The following COG5 variants were observed in gnomAD, a reference collection of about 807,000 sequenced individuals.
COG5 encodes conserved oligomeric Golgi complex subunit 5.
Under a neutral mutation model 110.4 loss-of-function variants are expected in COG5, and 86 were observed. The ratio of observed to expected loss-of-function variants is 0.78; its 90% confidence interval spans 0.65 to 0.93. COG5 has a LOEUF of 0.93. COG5 is among the 40% of genes least tolerant of loss of function. COG5 has a pLI of 0.00. For synonymous variants in COG5, 360 were observed against 334.6 expected (o/e 1.08, Z -0.83); for missense variants, 1,077 against 987.0 (o/e 1.09, Z -1.22).
chr7:107,347,498 AAAC>A (rs1246850144), intron 10 of COG5, among the ~76,000 whole-genome samples: 1 of 152,356 alleles, frequency 6.6e-6, no homozygotes, highest in Non-Finnish European at 1.5e-5. Context: ...ATGTGAAGAT[AAAC>A]AATAGAAATG....
chr7:107,233,250 C>T (rs972257420), intron 18 of COG5, among the ~76,000 whole-genome samples: 3 of 152,128 alleles, frequency 2.0e-5, no homozygotes, highest in African/African-American at 7.2e-5. Flanking sequence ...GGCAAGATCC[C>T]AGTGAGATTC....
chr7:107,547,200 G>A (rs544315687), intron 5 of COG5, among the ~76,000 whole-genome samples: 3 of 152,192 alleles, frequency 2.0e-5, no homozygotes, highest in Admixed American at 6.5e-5. Flanking sequence ...TTTATCTCTG[G>A]GGTGCAGGGA....
At chr7:107,392,896 C>T (rs1275701025) in intron 7 of COG5, among the ~76,000 whole-genome samples, 3 of 152,060 alleles carry the variant, frequency 2.0e-5, no homozygotes, top group Non-Finnish European at 2.9e-5. Context: ...TTCTAAAAGG[C>T]GCCTGCATAC....
At chr7:107,452,369 G>A (rs1471971990) in intron 6 of COG5, among the ~76,000 whole-genome samples, 3 of 152,016 alleles carry the variant, frequency 2.0e-5, no homozygotes, top group African/African-American at 4.8e-5. Context: ...ATCTCTCAAC[G>A]CTTCCCTGTC....
chr7:107,244,110 G>A (rs1227097388), intron 17 of COG5, among the ~76,000 whole-genome samples: 1 of 152,022 alleles, frequency 6.6e-6, no homozygotes, highest in African/African-American at 2.4e-5. Flanking sequence ...ATTAGCTGGG[G>A]TAGGGGTGGT....
At chr7:107,526,773 A>G (rs754617303) in intron 6 of COG5, among the ~76,000 whole-genome samples, 45 of 152,258 alleles carry the variant, frequency 3.0e-4, no homozygotes, top group Non-Finnish European at 4.3e-4. Context: ...TTTGAGTACA[A>G]GAAGACAGCC....
rs11976379 is a variant in COG5, at chr7:107,509,060, G to A, written c.538+18177C>T. 5.3e-3 allele frequency among the ~76,000 whole-genome samples: 811 copies of A among 152,318 alleles called. 4 individuals are homozygous for A. Among genetic ancestry groups the A allele is most frequent in the Middle Eastern group, 0.027 (8 of 294 alleles). On this transcript the variant is annotated intron_variant, in intron 6 of 21. Coordinates refer to ENST00000297135, the MANE Select transcript of COG5 (RefSeq NM_006348.5). Reference sequence around the variant, plus strand: ...AAGCTGGAAGGAGAATGACTTTGACGTGTTGAGAGAAGAAGGCTTCAGAAG... The same window carrying A: ...AAGCTGGAAGGAGAATGACTTTGACATGTTGAGAGAAGAAGGCTTCAGAAG...
intron 6 of COG5, among the ~76,000 whole-genome samples, chr7:107,439,927 G>A (rs556448199): frequency 5.3e-5 from 8 of 152,320 alleles, no homozygotes; most frequent in African/African-American, 1.9e-4. Context: ...CTGCTGAGAA[G>A]GAGCTGAGCC....
intron 6 of COG5, among the ~76,000 whole-genome samples, chr7:107,496,886 G>A (rs547236382): frequency 9.5e-4 from 145 of 152,078 alleles, no homozygotes; most frequent in African/African-American, 3.2e-3. Flanking sequence ...ACTCAGTTGC[G>A]AAAGACTGAA....
chr7:107,539,921 G>A (rs1452458967), intron 5 of COG5, among the ~76,000 whole-genome samples: 1 of 152,146 alleles, frequency 6.6e-6, no homozygotes, highest in Non-Finnish European at 1.5e-5. Flanking sequence ...ACAAGAAAAT[G>A]AGCTTAACAA....
At chr7:107,208,383 G>A in intron 21 of COG5, 1 of 985,430 alleles carries the variant, frequency 1.0e-6, no homozygotes. Flanking sequence ...ACAGATTTGT[G>A]ATGTACACAC....
At chr7:107,553,414 C>T (rs962954372) in intron 3 of COG5, among the ~76,000 whole-genome samples, 5 of 152,072 alleles carry the variant, frequency 3.3e-5, no homozygotes, top group African/African-American at 9.7e-5. Flanking sequence ...AAATATTGTA[C>T]ATGCTGAGAA....
intron 6 of COG5, among the ~76,000 whole-genome samples, chr7:107,451,311 G>T (rs1795322519): frequency 6.6e-6 from 1 of 152,072 alleles, no homozygotes; most frequent in Admixed American, 6.6e-5. Context: ...CAGAAGATAA[G>T]GAAGAAGATG....
At chr7:107,256,176 G>A (rs1802868928) in intron 16 of COG5, among the ~76,000 whole-genome samples, 1 of 152,062 alleles carries the variant, frequency 6.6e-6, no homozygotes, top group African/African-American at 2.4e-5. Flanking sequence ...TAGAAAAAAT[G>A]AGAATATATT....
At chr7:107,224,093 A>C (rs1392794945) in intron 19 of COG5, among the ~76,000 whole-genome samples, 2 of 152,222 alleles carry the variant, frequency 1.3e-5, no homozygotes. Context: ...GAAATCTGAA[A>C]CTTAGAATTA....
intron 16 of COG5, among the ~76,000 whole-genome samples, chr7:107,254,970 GA>G (rs1252443668): frequency 6.6e-6 from 1 of 152,074 alleles, no homozygotes. Context: ...ACAAAATAAG[GA>G]TAAGTATTAC....
chr7:107,538,753 GA>G (rs34214783), intron 5 of COG5, among the ~76,000 whole-genome samples: 39,762 of 139,890 alleles, frequency 0.28, 5,320 homozygotes, highest in East Asian at 0.34. Flanking sequence ...CCCAAGAATT[GA>G]AAAAAAAAAA....
chr7:107,324,841 AAAC>A (rs1461958241), intron 10 of COG5, among the ~76,000 whole-genome samples: 1 of 152,210 alleles, frequency 6.6e-6, no homozygotes, highest in Non-Finnish European at 1.5e-5. Context: ...TATGAGGATT[AAAC>A]AAATTAATAA....
chr7:107,488,416 G>A (rs1243728901), intron 6 of COG5, among the ~76,000 whole-genome samples: 1 of 152,054 alleles, frequency 6.6e-6, no homozygotes, highest in East Asian at 1.9e-4. Context: ...TCCAGGTCTT[G>A]TTTCTCTTGT....
Sources: gnomAD v4.1 joint callset for allele counts (sites outside exome capture counted in the v4.1 genomes callset) on GRCh38, gnomAD v4.1.1 for gene constraint, MANE v1.5 for transcripts, NCBI Gene and HGNC (gene_info 2026-07-23, HGNC 2026-07-21) for gene names.